The following STK39 variants were observed in gnomAD, a reference collection of about 807,000 sequenced individuals.
The protein encoded by STK39 is STE20/SPS1-related proline-alanine-rich protein kinase.
Under a neutral mutation model 77.8 loss-of-function variants are expected in STK39, and 20 were observed. The observed-to-expected ratio is 0.26, with a 90% CI of 0.18 to 0.37. The LOEUF (loss-of-function observed/expected upper bound fraction) is 0.37. STK39 is among the 10% of genes least tolerant of loss of function. The pLI, the probability that STK39 is intolerant of heterozygous loss-of-function variation, is 1.00. For synonymous variants in STK39, 246 were observed against 234.1 expected, an observed-to-expected ratio of 1.05 and a Z score of -0.47; for missense variants, 479 against 656.5, an observed-to-expected ratio of 0.73 and a Z score of 2.95.
chr2:168,138,144 G>A lies in STK39; in HGVS notation c.918C>T (p.Tyr306=), dbSNP rs200496154. Reference sequence around the variant, plus strand: ...AAAGTAATTTTCTAAAGGACTTGCCGTACTTTTTCATCATTTCTTTATCCT... The same window carrying A: ...AAAGTAATTTTCTAAAGGACTTGCCATACTTTTTCATCATTTCTTTATCCT... ...GVEDKEMMKK[Y]GKSFRKLLSL... is the part of the protein sequence containing the mutation. Residue 306 remains tyrosine, a synonymous_variant, in exon 8 of 18, where the codon TAC becomes TAT. Coordinates refer to ENST00000355999, the MANE Select transcript of STK39 (RefSeq NM_013233.3). 27 of 1,613,914 alleles carry A rather than the reference G, an allele frequency of 1.7e-5. No homozygotes were observed. The highest frequency in any genetic ancestry group is 5.5e-5 in the South Asian group (5 of 91,046).
chr2:168,157,437 G>A (rs1436107524), intron 5 of STK39, among the ~76,000 whole-genome samples: 2 of 152,130 alleles, frequency 1.3e-5, no homozygotes, highest in Admixed American at 6.5e-5. Flanking sequence ...TGTGTATTGG[G>A]CCTACTATAA....
At chr2:168,181,907 C>T in intron 2 of STK39, 71 bp downstream of exon 2, 1 of 1,360,800 alleles carries the variant, frequency 7.3e-7, no homozygotes, top group Non-Finnish European at 1.0e-6. Context: ...CCTTGCTCTT[C>T]TCCCAACCAT....
At chr2:168,002,474 T>C (rs115794422) in intron 16 of STK39, among the ~76,000 whole-genome samples, 1 of 152,338 alleles carries the variant, frequency 6.6e-6, no homozygotes, top group Non-Finnish European at 1.5e-5. Context: ...GGTCATTCTA[T>C]GTTAGAATCT....
intron 14 of STK39, among the ~76,000 whole-genome samples, chr2:168,018,542 G>GAAAGA (rs1553514709): frequency 1.6e-3 from 153 of 95,052 alleles, no homozygotes; most frequent in East Asian, 2.1e-3. Flanking sequence ...AGAAAGAAAA[G>GAAAGA]AAAGAAAGAA....
intron 14 of STK39, among the ~76,000 whole-genome samples, chr2:168,051,752 C>G (rs1353190057): frequency 1.3e-5 from 2 of 152,188 alleles, no homozygotes; most frequent in African/African-American, 4.8e-5. Flanking sequence ...AGCGCCCAGC[C>G]CCCTCTACTT....
At position 168,131,963 on chromosome 2, in the gene STK39, C is replaced by T. The variant is rs181033334; in HGVS notation, c.975-2205G>A. On this transcript the variant is annotated intron_variant, in intron 8 of 17. Coordinates refer to ENST00000355999, the MANE Select transcript of STK39 (RefSeq NM_013233.3). ...GCTAGGCATACTATAATGAAGATGG[C>T]AGACATAAATAATCCTCCAACAAGT... 7.9e-5 allele frequency among the ~76,000 whole-genome samples: 12 copies of T among 152,264 alleles called. No homozygotes were observed. The East Asian group carries it at 2.3e-3, about 29-fold the overall frequency.
intron 16 of STK39, among the ~76,000 whole-genome samples, chr2:167,978,160 C>G (rs536756274): frequency 1.3e-5 from 2 of 152,244 alleles, no homozygotes; most frequent in East Asian, 3.9e-4. Context: ...TTCCCAGGAG[C>G]ATTTTGGGGT....
intron 10 of STK39, among the ~76,000 whole-genome samples, chr2:168,112,002 A>C (rs1687131249): frequency 6.6e-6 from 1 of 152,188 alleles, no homozygotes. Flanking sequence ...CTATTTTGGC[A>C]TACACCATGT....
intron 12 of STK39, among the ~76,000 whole-genome samples, chr2:168,069,137 T>C (rs147302333): frequency 0.021 from 3,135 of 152,170 alleles, 111 homozygotes; most frequent in African/African-American, 0.072. Context: ...AGGCTGGTCT[T>C]GAACTCCTGG....
chr2:168,163,849 G>A lies in STK39; in HGVS notation c.462C>T (p.Val154=), dbSNP rs776004971. Residue 154 remains valine, a synonymous_variant, in exon 4 of 18, where the codon GTC becomes GTT. Coordinates refer to ENST00000355999, the MANE Select transcript of STK39 (RefSeq NM_013233.3). ...CTCCATTCTTGTGTTCTCCTCGGTT[G>A]ACAATGTATTTTATGATATCCAACA... ...GSMLDIIKYI[V]NRGEHKNGVL... 3 of 1,613,918 alleles carry A rather than the reference G, an allele frequency of 1.9e-6. No individual in the cohort carries two copies. The highest frequency in any genetic ancestry group is 3.3e-5 in the Admixed American group (2 of 59,996).
chr2:168,131,002 G>A (rs1687681919), intron 8 of STK39, among the ~76,000 whole-genome samples: 1 of 152,138 alleles, frequency 6.6e-6, no homozygotes, highest in Non-Finnish European at 1.5e-5. Flanking sequence ...AAGGACATTT[G>A]GGAATCATTA....
chr2:168,202,543 A>C (rs1025527628), intron 1 of STK39, among the ~76,000 whole-genome samples: 2 of 152,102 alleles, frequency 1.3e-5, no homozygotes. Context: ...TTACTTCCAC[A>C]TGACTCCCTC....
chr2:168,241,888 C>T (rs1412941155), intron 1 of STK39, among the ~76,000 whole-genome samples: 1 of 152,202 alleles, frequency 6.6e-6, no homozygotes, highest in Admixed American at 6.5e-5. Flanking sequence ...TGAGTGCAGA[C>T]ACATCTAAGT....
At chr2:168,030,646 G>A (rs1008960921) in intron 14 of STK39, among the ~76,000 whole-genome samples, 1 of 152,134 alleles carries the variant, frequency 6.6e-6, no homozygotes, top group Non-Finnish European at 1.5e-5. Flanking sequence ...TTTTCCACAG[G>A]TGGTACTGCA....
At chr2:168,089,010 G>C (rs1686445339) in intron 10 of STK39, among the ~76,000 whole-genome samples, 1 of 152,174 alleles carries the variant, frequency 6.6e-6, no homozygotes, top group South Asian at 2.1e-4. Flanking sequence ...AGATTTCGAA[G>C]AGACTCCCCT....
At chr2:168,133,948 G>A (rs753850606) in intron 8 of STK39, among the ~76,000 whole-genome samples, 10 of 151,884 alleles carry the variant, frequency 6.6e-5, no homozygotes, top group Non-Finnish European at 1.3e-4. Flanking sequence ...GGGTTTTTTT[G>A]GTTTTTATTT....
intron 1 of STK39, among the ~76,000 whole-genome samples, chr2:168,205,015 C>A (rs996071898): frequency 1.3e-5 from 2 of 151,938 alleles, no homozygotes; most frequent in South Asian, 2.1e-4. Context: ...TTGAAATGTA[C>A]GGAAAAACAA....
chr2:168,056,611 C>G (rs1015881014), intron 14 of STK39, among the ~76,000 whole-genome samples: 11 of 152,108 alleles, frequency 7.2e-5, no homozygotes, highest in African/African-American at 2.4e-4. Context: ...CCGGCAGCCA[C>G]GCATCACATT....
chr2:168,088,326 G>A (rs1686425162), intron 10 of STK39, among the ~76,000 whole-genome samples: 1 of 152,098 alleles, frequency 6.6e-6, no homozygotes, highest in Admixed American at 6.5e-5. Flanking sequence ...TGGATAAATG[G>A]CAGCAATAGG....
Sources: gnomAD v4.1 joint callset for allele counts (sites outside exome capture counted in the v4.1 genomes callset) on GRCh38, gnomAD v4.1.1 for gene constraint, MANE v1.5 for transcripts, NCBI Gene and HGNC (gene_info 2026-07-23, HGNC 2026-07-21) for gene names.